MDGA2: variants seen among roughly 807,000 people sequenced by gnomAD.
The protein encoded by MDGA2 is MAM domain-containing glycosylphosphatidylinositol anchor protein 2.
Under a neutral mutation model 117.8 loss-of-function variants are expected in MDGA2, and 40 were observed. The observed-to-expected ratio is 0.34, with a 90% CI of 0.26 to 0.44. The LOEUF is 0.44. Ranked by LOEUF, MDGA2 falls within the 20% of genes least tolerant of loss-of-function variation. The pLI is 1.00. For synonymous variants in MDGA2, 452 were observed against 439.0 expected (o/e 1.03, Z -0.37); for missense variants, 1,123 against 1,250.6 (o/e 0.90, Z 1.54).
At chr14:47,549,381 G>GT (rs1021687285) in intron 1 of MDGA2, among the ~76,000 whole-genome samples, 33 of 69,190 alleles carry the variant, frequency 4.8e-4, no homozygotes, top group African/African-American at 1.3e-3. Context: ...CTGAAGAACA[G>GT]TTTTTTTTGG....
chr14:46,856,490 T>C (rs1881274263), intron 14 of MDGA2, among the ~76,000 whole-genome samples: 1 of 152,134 alleles, frequency 6.6e-6, no homozygotes, highest in Non-Finnish European at 1.5e-5. Context: ...AGATAACTAG[T>C]AATCAGGCTT....
intron 2 of MDGA2, among the ~76,000 whole-genome samples, chr14:47,291,913 G>T (rs1358795211): frequency 3.3e-5 from 5 of 152,136 alleles, no homozygotes; most frequent in Admixed American, 2.0e-4. Flanking sequence ...CTGATCTAGG[G>T]CAGATATGTA....
intron 1 of MDGA2, among the ~76,000 whole-genome samples, chr14:47,356,090 T>C (rs1484419246): frequency 2.0e-5 from 3 of 152,132 alleles, no homozygotes; most frequent in Admixed American, 1.3e-4. Flanking sequence ...TAGGTATTCA[T>C]TCTTCCCTTA....
At chr14:47,189,273 T>C (rs1240267319) in intron 3 of MDGA2, among the ~76,000 whole-genome samples, 5 of 151,988 alleles carry the variant, frequency 3.3e-5, no homozygotes, top group African/African-American at 2.4e-5. Context: ...CTAAACTATA[T>C]GAACAATTTT....
At chr14:47,586,210 G>A (rs182909181) in intron 1 of MDGA2, among the ~76,000 whole-genome samples, 22 of 151,858 alleles carry the variant, frequency 1.4e-4, no homozygotes, top group Admixed American at 1.1e-3. Context: ...AGCATTAACC[G>A]TCAACACGAG....
At chr14:47,210,757 G>T (rs1885851517) in intron 3 of MDGA2, among the ~76,000 whole-genome samples, 1 of 152,114 alleles carries the variant, frequency 6.6e-6, no homozygotes, top group African/African-American at 2.4e-5. Flanking sequence ...AGTGGCTCAC[G>T]CCTGTAATCC....
chr14:47,378,602 G>A (rs1274821325), intron 1 of MDGA2, among the ~76,000 whole-genome samples: 2 of 152,152 alleles, frequency 1.3e-5, no homozygotes, highest in Non-Finnish European at 2.9e-5. Context: ...CGATCAAGTG[G>A]AAGAAAGGGT....
intron 1 of MDGA2, among the ~76,000 whole-genome samples, chr14:47,652,911 T>G (rs1897671093): frequency 6.6e-6 from 1 of 152,136 alleles, no homozygotes; most frequent in African/African-American, 2.4e-5. Flanking sequence ...CCTGAGGAAC[T>G]GACCTGTGTG....
chr14:46,937,218 C>G (rs550052227), intron 9 of MDGA2, among the ~76,000 whole-genome samples: 2 of 150,116 alleles, frequency 1.3e-5, no homozygotes, highest in African/African-American at 4.9e-5. Flanking sequence ...CCCGACACCC[C>G]CCCCAACACA....
chr14:47,086,041 T>C (rs1371815258), intron 6 of MDGA2, among the ~76,000 whole-genome samples: 1 of 151,876 alleles, frequency 6.6e-6, no homozygotes, highest in Non-Finnish European at 1.5e-5. Context: ...ATGTCTTAAA[T>C]GTATAGTTTA....
chr14:47,011,223 T>C (rs1289801035), intron 8 of MDGA2, among the ~76,000 whole-genome samples: 4 of 151,928 alleles, frequency 2.6e-5, no homozygotes, highest in African/African-American at 4.8e-5. Context: ...AAAAATGACT[T>C]CCCACATAGC....
intron 6 of MDGA2, among the ~76,000 whole-genome samples, chr14:47,091,259 T>C (rs1471939208): frequency 1.3e-5 from 2 of 152,264 alleles, no homozygotes; most frequent in East Asian, 3.9e-4. Flanking sequence ...AACACATGTT[T>C]ATTGAGCATC....
intron 1 of MDGA2, among the ~76,000 whole-genome samples, chr14:47,605,824 A>C (rs1480494172): frequency 6.6e-6 from 1 of 152,224 alleles, no homozygotes; most frequent in East Asian, 1.9e-4. Context: ...ATATTTCATA[A>C]TGTAATGCCC....
intron 10 of MDGA2, among the ~76,000 whole-genome samples, chr14:46,905,117 T>C (rs1161378583): frequency 6.6e-6 from 1 of 152,218 alleles, no homozygotes; most frequent in Non-Finnish European, 1.5e-5. Context: ...ATCTTTTATT[T>C]CATATTTCAT....
chr14:47,601,577 A>G (rs1896648920), intron 1 of MDGA2, among the ~76,000 whole-genome samples: 1 of 152,206 alleles, frequency 6.6e-6, no homozygotes, highest in Non-Finnish European at 1.5e-5. Flanking sequence ...ATTATTCAAC[A>G]GTGAAATGAA....
intron 1 of MDGA2, among the ~76,000 whole-genome samples, chr14:47,414,000 T>C (rs1258548046): frequency 6.6e-6 from 1 of 152,118 alleles, no homozygotes; most frequent in Non-Finnish European, 1.5e-5. Flanking sequence ...CTTTCTAGGA[T>C]GTGAGAGTCT....
chr14:47,052,406 T>G (rs1025073257), intron 7 of MDGA2, among the ~76,000 whole-genome samples: 1 of 151,914 alleles, frequency 6.6e-6, no homozygotes. Context: ...AATAATAAGT[T>G]GTAAAGTCAA....
intron 1 of MDGA2, among the ~76,000 whole-genome samples, chr14:47,335,734 T>TTTTATATATATATATATATATATATA (rs1255206359): frequency 1.9e-4 from 9 of 48,036 alleles, no homozygotes; most frequent in Non-Finnish European, 2.9e-4. Flanking sequence ...CACATATATT[T>TTTTATATATATATATATATATATATA]TATATATATA....
intron 1 of MDGA2, among the ~76,000 whole-genome samples, chr14:47,427,598 A>G (rs1284158347): frequency 6.6e-6 from 1 of 152,172 alleles, no homozygotes. Context: ...CAGTAGAAGC[A>G]AGAATTAATT....
Sources: gnomAD v4.1 joint callset for allele counts (sites outside exome capture counted in the v4.1 genomes callset) on GRCh38, gnomAD v4.1.1 for gene constraint, MANE v1.5 for transcripts, NCBI Gene and HGNC (gene_info 2026-07-23, HGNC 2026-07-21) for gene names.